Variants in ADGRV1 observed in about 807,000 individuals in gnomAD.
ADGRV1 encodes G-protein coupled receptor 98.
In ADGRV1, 359 loss-of-function variants were observed where a neutral mutation model predicts 596.2. The observed-to-expected ratio is 0.60, with a 90% confidence interval of 0.55 to 0.66. The LOEUF (loss-of-function observed/expected upper bound fraction) is 0.66. Among genes scored for constraint, ADGRV1 ranks in the 30% least tolerant of loss-of-function variants. ADGRV1 has a pLI of 0.00. For missense variants in ADGRV1, 7,274 were observed against 7,575.6 expected (o/e 0.96, Z 1.48); for synonymous variants, 2,681 against 2,679.2 (o/e 1.00, Z -0.02).
chr5:90,976,352 A>G (rs1396021118), intron 84 of ADGRV1, among the ~76,000 whole-genome samples: 1 of 144,256 alleles, frequency 6.9e-6, no homozygotes, highest in Non-Finnish European at 1.5e-5. Context: ...ATATATATGT[A>G]TATGTATATA....
chr5:90,929,092 T>C (rs1774908050), intron 83 of ADGRV1: 1 of 151,616 alleles, frequency 6.6e-6, no homozygotes, highest in East Asian at 1.9e-4. Context: ...TTTGTTTGTC[T>C]GTGCCCTGCC....
chr5:90,558,865 A>G lies in ADGRV1; in HGVS notation c.-31A>G. The G allele has an allele frequency of 6.4e-7, 1 of 1,560,906 alleles. No individual in the cohort carries two copies. The highest frequency in any genetic ancestry group is 8.7e-7 in the Non-Finnish European group (1 of 1,151,562). ...TCAGAGGCAGAGCGAGGGTGTGTGG[A>G]GGGCCGGCGGGGACCGCCGGGAGCG... On this transcript the variant is annotated 5_prime_UTR_variant, in exon 1 of 90. Transcript: ENST00000405460.
At chr5:90,764,865 G>T (rs1011024068) in intron 59 of ADGRV1, among the ~76,000 whole-genome samples, 2 of 152,146 alleles carry the variant, frequency 1.3e-5, no homozygotes, top group Admixed American at 6.5e-5. Context: ...ACATAGGTGT[G>T]CCTGCACAAG....
intron 89 of ADGRV1, among the ~76,000 whole-genome samples, chr5:91,157,618 A>T (rs1236343078): frequency 2.6e-5 from 4 of 152,120 alleles, no homozygotes; most frequent in African/African-American, 9.7e-5. Context: ...ATTAGAACTT[A>T]ATTTTTTTCT....
chr5:90,909,910 A>T (rs1772699327), intron 83 of ADGRV1, among the ~76,000 whole-genome samples: 1 of 152,372 alleles, frequency 6.6e-6, no homozygotes, highest in East Asian at 1.9e-4. Flanking sequence ...AAAATAAATT[A>T]AAAATACAAA....
chr5:90,885,755 T>C (rs553139505), intron 83 of ADGRV1, among the ~76,000 whole-genome samples: 1 of 152,230 alleles, frequency 6.6e-6, no homozygotes, highest in South Asian at 2.1e-4. Flanking sequence ...GAGGAAGAGA[T>C]AGAAATGAAT....
At chr5:90,580,768 T>G (rs1757924620) in intron 1 of ADGRV1, among the ~76,000 whole-genome samples, 1 of 152,010 alleles carries the variant, frequency 6.6e-6, no homozygotes, top group South Asian at 2.1e-4. Flanking sequence ...TTGGGGTTGC[T>G]CTTCTGGAGG....
intron 85 of ADGRV1, among the ~76,000 whole-genome samples, chr5:91,016,137 T>C (rs1000759500): frequency 6.6e-5 from 10 of 152,040 alleles, no homozygotes; most frequent in African/African-American, 2.4e-4. Flanking sequence ...TTTGGCTGGA[T>C]GTGAAATTTT....
intron 86 of ADGRV1, among the ~76,000 whole-genome samples, chr5:91,084,267 C>G (rs1789666755): frequency 6.6e-6 from 1 of 152,054 alleles, no homozygotes; most frequent in South Asian, 2.1e-4. Flanking sequence ...TGGCTTCCTC[C>G]TTAAGAAATT....
intron 89 of ADGRV1, among the ~76,000 whole-genome samples, chr5:91,159,431 A>G (rs1796757167): frequency 6.6e-6 from 1 of 152,210 alleles, no homozygotes; most frequent in Non-Finnish European, 1.5e-5. Context: ...TTGATCTAAA[A>G]TAGAAGCCCT....
rs867987908 is a variant in ADGRV1 at position 90,805,336 on chromosome 5, G to A, written c.14714G>A (p.Ser4905Asn). 1 of 1,612,768 alleles carries A rather than the reference G, an allele frequency of 6.2e-7. No homozygotes were observed. The highest frequency in any genetic ancestry group is 1.7e-5 in the Admixed American group (1 of 60,008). Residue 4905 changes from serine (S) to asparagine (N), a missense_variant, in exon 72 of 90, where the codon AGC becomes AAC. Ser to Asn is a conservative substitution (Grantham distance 46, BLOSUM62 1). Around this residue, in one of 5 missense-constraint regions of ADGRV1, gnomAD observed 1,874 missense variants for 1,970.2 expected, o/e 0.95. Coordinates refer to ENST00000405460, the MANE Select transcript of ADGRV1 (RefSeq NM_032119.4). ...FQLMNITAGT[S>N]HVMISRRGTY... The stretch of plus-strand genomic sequence containing the variant: ...CTCATGAACATCACTGCTGGCACAA[G>A]CCACGTTATGATTTCTAGGAGAGGC...
At chr5:90,615,108 T>C in intron 2 of ADGRV1, 89 bp downstream of exon 2, 1 of 766,746 alleles carries the variant, frequency 1.3e-6, no homozygotes, top group South Asian at 2.3e-5. Flanking sequence ...CTGTTTGAGA[T>C]TTTGAGCAGT....
chr5:90,824,419 AG>A (rs1310077554), intron 76 of ADGRV1, among the ~76,000 whole-genome samples: 3 of 152,370 alleles, frequency 2.0e-5, no homozygotes, highest in Admixed American at 1.3e-4. Context: ...ACAGCTATAT[AG>A]GAAAGTTGAT....
intron 85 of ADGRV1, among the ~76,000 whole-genome samples, chr5:91,035,810 T>C (rs13179479): frequency 0.61 from 81,914 of 135,368 alleles, 25,299 homozygotes; most frequent in South Asian, 0.66. Context: ...ATAATCTCTA[T>C]CTCATATGGA....
chr5:90,746,275 T>G, intron 52 of ADGRV1, among the ~76,000 whole-genome samples: 1 of 150,760 alleles, frequency 6.6e-6, no homozygotes, highest in African/African-American at 2.4e-5. Flanking sequence ...AGGGTTGTAA[T>G]TATATGTATG....
At chr5:91,077,425 C>G (rs1177541621) in intron 86 of ADGRV1, among the ~76,000 whole-genome samples, 1 of 152,204 alleles carries the variant, frequency 6.6e-6, no homozygotes, top group African/African-American at 2.4e-5. Flanking sequence ...ATACAAGTAA[C>G]CATCCCTTAC....
In ADGRV1 at chr5:90,643,800, T is replaced by C. The variant is rs1335598928; in HGVS notation, c.2554-3T>C. ...TTTCCATACTTTGACACATTCACTT[T>C]AGTTGGATGAACACTACTGGGTGGT... On this transcript the variant is annotated splice_polypyrimidine_tract_variant and splice_region_variant and intron_variant, in intron 13 of 89. Coordinates refer to ENST00000405460, the MANE Select transcript of ADGRV1 (RefSeq NM_032119.4). 1 of 1,591,540 alleles carries C rather than the reference T, an allele frequency of 6.3e-7. No homozygotes were observed. Among genetic ancestry groups the C allele is most frequent in the Non-Finnish European group, 8.6e-7 (1 of 1,169,136 alleles).
intron 21 of ADGRV1, among the ~76,000 whole-genome samples, chr5:90,665,208 C>G (rs1771109093): frequency 6.6e-6 from 1 of 152,032 alleles, no homozygotes; most frequent in South Asian, 2.1e-4. Context: ...CTCCTTGTAC[C>G]TCTGGTAGAA....
chr5:90,712,253 A>C, intron 41 of ADGRV1, 34 bp from the exon 42 acceptor site: 1 of 1,333,796 alleles, frequency 7.5e-7, no homozygotes, highest in Non-Finnish European at 1.0e-6. Context: ...GTGTATATAA[A>C]TATAATACAT....
Sources: gnomAD v4.1 joint callset for allele counts (sites outside exome capture counted in the v4.1 genomes callset) on GRCh38, gnomAD v4.1.1 for gene constraint, gnomAD v4.1.1 regional missense constraint, MANE v1.5 for transcripts, NCBI Gene and HGNC (gene_info 2026-07-23, HGNC 2026-07-21) for gene names.